MAP3K19: variants seen among roughly 807,000 people sequenced by gnomAD.
MAP3K19 encodes mitogen-activated protein kinase kinase kinase 19.
MAP3K19 carries 91 observed loss-of-function variants against 114.4 expected under a neutral mutation model. The observed-to-expected ratio is 0.80, with a 90% CI of 0.67 to 0.95. The LOEUF (loss-of-function observed/expected upper bound fraction) is 0.95, where lower values mean the gene tolerates loss of function less well. MAP3K19 is among the 40% of genes least tolerant of loss of function. The pLI is 0.00. For missense variants in MAP3K19, 1,471 were observed against 1,573.2 expected (o/e 0.94, Z 1.10); for synonymous variants, 518 against 530.5 (o/e 0.98, Z 0.32).
Position 135,011,075 on chromosome 2 carries a change from A to G in MAP3K19, c.139-5544T>C, listed in dbSNP as rs545730438. Among the ~76,000 whole-genome samples the G allele has an allele frequency of 2.2e-4, 33 of 152,326 alleles. No homozygotes were observed. In the South Asian group the frequency reaches 5.8e-3, roughly 27 times the overall value. ...AAAAACCTATTTCAGACAACCAAAA[A>G]GAAAACAAAGCTTTCATTTAAAGAA... On this transcript the variant is annotated intron_variant, in intron 5 of 12. Transcript: ENST00000392915.
At chr2:134,993,599 C>T (rs1245883748) in intron 8 of MAP3K19, among the ~76,000 whole-genome samples, 1 of 152,106 alleles carries the variant, frequency 6.6e-6, no homozygotes, top group Admixed American at 6.5e-5. Flanking sequence ...AGAAATACAA[C>T]TGAATATAAT....
In MAP3K19 at chr2:134,987,087, T is replaced by C. The variant is rs772539713; in HGVS notation, c.1785A>G (p.Pro595=). The C allele has an allele frequency of 6.2e-7, 1 of 1,613,224 alleles. No individual in the cohort carries two copies. ...WQLPRFQKKM[P]QIAKKQSTHR... is the part of the protein sequence containing the mutation. Reference sequence around the variant, plus strand: ...GAGTTGATTGCTTCTTTGCTATCTGTGGCATTTTCTTTTGAAACCTGGGCA... The same window carrying C: ...GAGTTGATTGCTTCTTTGCTATCTGCGGCATTTTCTTTTGAAACCTGGGCA... Residue 595 remains proline, a synonymous_variant, in exon 10 of 13, where the codon CCA becomes CCG. Transcript: ENST00000392915.
At chr2:135,005,845 G>C (rs1372893563) in intron 5 of MAP3K19, among the ~76,000 whole-genome samples, 1 of 152,096 alleles carries the variant, frequency 6.6e-6, no homozygotes, top group African/African-American at 2.4e-5. Flanking sequence ...ATTCCATCTG[G>C]GTAGGTAACT....
At chr2:135,031,858 G>A (rs1372033644) in intron 2 of MAP3K19, among the ~76,000 whole-genome samples, 2 of 152,180 alleles carry the variant, frequency 1.3e-5, no homozygotes, top group Non-Finnish European at 2.9e-5. Flanking sequence ...ATAATTCCAA[G>A]ATACTGTCTT....
intron 2 of MAP3K19, among the ~76,000 whole-genome samples, chr2:135,033,210 T>C (rs1453151198): frequency 6.5e-4 from 46 of 70,696 alleles, no homozygotes; most frequent in South Asian, 7.9e-4. Flanking sequence ...GCGCCCCTCA[T>C]CTCCCAGACG....
In MAP3K19 at chr2:134,985,898, C is replaced by T. The variant is rs369629815; in HGVS notation, c.2974G>A (p.Ala992Thr). Reference sequence around the variant, plus strand: ...AGGTTTTCAGGATCTGTTTCATTTGCCATTTTTTGGCAAGAGTTGTTATCT... The same window carrying T: ...AGGTTTTCAGGATCTGTTTCATTTGTCATTTTTTGGCAAGAGTTGTTATCT... ...EKDNNSCQKM[A>T]NETDPENLNL... Residue 992 changes from alanine to threonine, a missense_variant, in exon 10 of 13, where the codon GCA becomes ACA. By Grantham distance (58) the Ala-to-Thr change is moderately conservative. Transcript: ENST00000392915. 80 of 1,613,932 alleles carry T rather than the reference C, an allele frequency of 5.0e-5. No individual in the cohort carries two copies. Among genetic ancestry groups the T allele is most frequent in the Non-Finnish European group, 6.8e-5 (80 of 1,179,984 alleles).
rs145535786 is a variant in MAP3K19, at chr2:134,999,584, C to A, written c.314+353G>T. Among the ~76,000 whole-genome samples the A allele has an allele frequency of 2.2e-3, 333 of 152,326 alleles. 1 individual carries two copies. The highest frequency in any genetic ancestry group is 2.6e-3 in the Non-Finnish European group (177 of 68,030). On this transcript the variant is annotated intron_variant, in intron 7 of 12. Transcript: ENST00000392915. This position sits in a 1 kb window ranked among gnomAD's most constrained non-coding sequence, Gnocchi z 4.1. ...TGGACTAGTAACAGGACCACAGAAC[C>A]ACATTCTAAGTAGCTCTGCCCTGCA... is the stretch of plus-strand genomic sequence containing the variant.
intron 2 of MAP3K19, among the ~76,000 whole-genome samples, chr2:135,032,585 T>G (rs1268905366): frequency 7.6e-6 from 1 of 131,860 alleles, no homozygotes; most frequent in Non-Finnish European, 1.5e-5. Context: ...TGTTGTTTGT[T>G]TTTTTTTTAA....
chr2:134,986,060 T>A lies in MAP3K19; in HGVS notation c.2812A>T (p.Thr938Ser). ...DHDSLANKSI[T>S]YQMFGKTLSG... ...AAGGTTTTTCCAAACATTTGATATG[T>A]GATTGACTTATTTGCTAAACTATCA... The change falls in exon 10 of 13, where the codon ACA (threonine) becomes TCA (serine). Residue 938 changes from threonine (T) to serine (S), a missense_variant. Transcript: ENST00000392915. 1 of 1,614,052 alleles carries A rather than the reference T, an allele frequency of 6.2e-7. No homozygotes were observed.
At chr2:135,011,173 A>G (rs1024511125) in intron 5 of MAP3K19, among the ~76,000 whole-genome samples, 4 of 152,194 alleles carry the variant, frequency 2.6e-5, no homozygotes, top group African/African-American at 9.7e-5. Context: ...GAAAAAGTCC[A>G]TTTCTCCCTC....
chr2:135,031,018 A>C (rs1688366913), intron 2 of MAP3K19, among the ~76,000 whole-genome samples: 1 of 152,168 alleles, frequency 6.6e-6, no homozygotes, highest in Non-Finnish European at 1.5e-5. Flanking sequence ...AAAGAGAGTA[A>C]ACTCTATTCA....
intron 2 of MAP3K19, among the ~76,000 whole-genome samples, chr2:135,039,936 C>T (rs985701363): frequency 1.3e-5 from 2 of 152,190 alleles, no homozygotes; most frequent in African/African-American, 4.8e-5. Context: ...ACAAAGAGGA[C>T]AAAGTCTGCT....
chr2:134,990,799 T>A (rs1434184842), intron 9 of MAP3K19, among the ~76,000 whole-genome samples: 1 of 152,206 alleles, frequency 6.6e-6, no homozygotes, highest in Middle Eastern at 3.2e-3. Context: ...AATAACATTT[T>A]ATTTTCTTGG....
intron 12 of MAP3K19, among the ~76,000 whole-genome samples, chr2:134,972,317 A>C (rs777046728): frequency 6.6e-6 from 1 of 151,696 alleles, no homozygotes; most frequent in Non-Finnish European, 1.5e-5. Context: ...AATTGTTTTT[A>C]TTTTTAGATC....
Position 134,981,534 on chromosome 2 carries a change from T to G in MAP3K19, c.3223-16A>C, listed in dbSNP as rs749742023. On this transcript the variant is annotated splice_polypyrimidine_tract_variant and intron_variant, in intron 11 of 12. Coordinates refer to ENST00000392915, the MANE Select transcript of MAP3K19 (RefSeq NM_025052.5). ...CACAGTATACCTAGAAGCAAATCAATAATACCTTGTTATTAAATTAATGAC... is the reference window on the plus strand; with the variant it reads ...CACAGTATACCTAGAAGCAAATCAAGAATACCTTGTTATTAAATTAATGAC... 1.3e-6 allele frequency: 2 copies of G among 1,548,664 alleles called. No homozygotes were observed. The highest frequency in any genetic ancestry group is 2.3e-5 in the East Asian group (1 of 44,334).
At chr2:134,973,232 G>A (rs911231479) in intron 12 of MAP3K19, among the ~76,000 whole-genome samples, 4 of 152,146 alleles carry the variant, frequency 2.6e-5, no homozygotes, top group Admixed American at 2.6e-4. Context: ...GGGTGTTAAA[G>A]TCCCCATCTA....
chr2:135,000,108 T>C (rs1686334017), intron 6 of MAP3K19, 93 bp from the exon 7 acceptor site: 1 of 820,868 alleles, frequency 1.2e-6, no homozygotes, highest in African/African-American at 1.7e-5. Flanking sequence ...GCTAATCTCT[T>C]CTTAATGATT....
Position 134,987,126 on chromosome 2 carries a change from G to A in MAP3K19, c.1746C>T (p.Pro582=), listed in dbSNP as rs1198847100. 4 of 1,613,916 alleles carry A rather than the reference G, an allele frequency of 2.5e-6. No individual in the cohort carries two copies. The highest frequency in any genetic ancestry group is 2.5e-6 in the Non-Finnish European group (3 of 1,180,022). ...QIFPALGLVD[P]RPWQLPRFQK... is the part of the protein sequence containing the mutation. ...GAAACCTGGGCAATTGCCAAGGCCT[G>A]GGGTCCACAAGTCCCAAAGCCGGGA... Residue 582 remains proline (P), a synonymous_variant, in exon 10 of 13, where the codon CCC becomes CCT. Transcript: ENST00000392915.
At position 135,018,281 on chromosome 2, in the gene MAP3K19, C is replaced by CAAA. The variant is rs781510594; in HGVS notation, c.138+3431_138+3433dup. Reference sequence around the variant, plus strand: ...ACTCCAGCAGCCTTGGCAACAACAGCAAAAAAAAAAAAAAAAAAAAAAAGA... The same window carrying CAAA: ...ACTCCAGCAGCCTTGGCAACAACAGCAAAAAAAAAAAAAAAAAAAAAAAAAAGA... On this transcript the variant is annotated intron_variant, in intron 5 of 12. Coordinates refer to ENST00000392915, the MANE Select transcript of MAP3K19 (RefSeq NM_025052.5). Among the ~76,000 whole-genome samples, 549 of 57,660 alleles carry CAAA rather than the reference C, an allele frequency of 9.5e-3. 2 individuals carry two copies. Among genetic ancestry groups the CAAA allele is most frequent in the Non-Finnish European group, 0.014 (388 of 27,816 alleles). 37.8% of individuals were successfully genotyped at this position (57,660 alleles called of 152,430 possible). A position where few individuals can be genotyped will look rare whatever the true frequency, so the allele number is the denominator to read the frequency against.
Sources: gnomAD v4.1 joint callset for allele counts (sites outside exome capture counted in the v4.1 genomes callset) on GRCh38, gnomAD v4.1.1 for gene constraint, Gnocchi (gnomAD v3.1) non-coding constraint, MANE v1.5 for transcripts, NCBI Gene and HGNC (gene_info 2026-07-23, HGNC 2026-07-21) for gene names.